The following MACF1 variants were observed in gnomAD, a reference collection of about 807,000 sequenced individuals.
The protein encoded by MACF1 is microtubule actin crosslinking factor 1.
A neutral mutation model predicts 854.8 loss-of-function variants in MACF1; 193 were observed. The ratio of observed to expected loss-of-function variants is 0.23; its 90% CI spans 0.20 to 0.25. The LOEUF (loss-of-function observed/expected upper bound fraction) is 0.25. Among genes scored for constraint, MACF1 ranks in the 10% least tolerant of loss-of-function variants. The pLI is 1.00. For synonymous variants in MACF1, 3,185 were observed against 3,226.7 expected (o/e 0.99, Z 0.44); for missense variants, 7,722 against 8,929.1 (o/e 0.86, Z 5.45).
At chr1:39,378,688 A>G (rs1236593320) in intron 53 of MACF1, among the ~76,000 whole-genome samples, 165 bp downstream of exon 53, 1 of 152,224 alleles carries the variant, frequency 6.6e-6, no homozygotes, top group African/African-American at 2.4e-5. Flanking sequence ...TATAGACCAT[A>G]AACAGGTTGG....
intron 2 of MACF1, among the ~76,000 whole-genome samples, chr1:39,182,854 T>C (rs139001995): frequency 2.3e-4 from 35 of 152,278 alleles, no homozygotes; most frequent in African/African-American, 8.4e-4. Flanking sequence ...AAAAGAAATA[T>C]TATATTCATA....
rs556475960 is a variant in MACF1 at position 39,346,740 on chromosome 1, C to T, written c.10582-237C>T. ...TTCACCGTGTTAGCCAGGATGGTCT[C>T]CATCTCCTGACCTTGTGATCCGCCC... On this transcript the variant is annotated intron_variant, in intron 40 of 100. Coordinates refer to ENST00000564288, the MANE Select transcript of MACF1 (RefSeq NM_001394062.1). Among the ~76,000 whole-genome samples, 8 of 152,090 alleles carry T rather than the reference C, an allele frequency of 5.3e-5. No individual in the cohort carries two copies. In the South Asian group the frequency reaches 1.7e-3, roughly 32 times the overall value.
intron 2 of MACF1, among the ~76,000 whole-genome samples, chr1:39,139,011 A>G (rs1266108061): frequency 6.6e-6 from 1 of 152,196 alleles, no homozygotes; most frequent in African/African-American, 2.4e-5. Flanking sequence ...TTTGATGAGG[A>G]ATAACAGTAT....
At chr1:39,461,716 A>G (rs1644557575) in intron 92 of MACF1, among the ~76,000 whole-genome samples, 167 bp from the exon 93 acceptor site, 1 of 149,014 alleles carries the variant, frequency 6.7e-6, no homozygotes, top group Non-Finnish European at 1.5e-5. Context: ...CACTTGAACC[A>G]GGGAGACGGA....
intron 52 of MACF1, 110 bp downstream of exon 52, chr1:39,372,706 C>T: frequency 1.3e-6 from 1 of 772,890 alleles, no homozygotes; most frequent in Non-Finnish European, 2.2e-6. Flanking sequence ...GATATGAAAA[C>T]AAAGGGCATG....
Position 39,285,397 on chromosome 1 carries a change from C to T in MACF1, c.1353+7C>T. 2.5e-6 allele frequency: 4 copies of T among 1,613,250 alleles called. No individual in the cohort carries two copies. The highest frequency in any genetic ancestry group is 3.4e-6 in the Non-Finnish European group (4 of 1,179,704). On this transcript the variant is annotated splice_region_variant and intron_variant, in intron 13 of 100. Coordinates refer to ENST00000564288, the MANE Select transcript of MACF1 (RefSeq NM_001394062.1). ...TAAGAATACACTGCAGGCTGTAAGT[C>T]TCTGACTGTTTTGTCCAACATCTGT... is the stretch of plus-strand genomic sequence containing the variant.
intron 2 of MACF1, among the ~76,000 whole-genome samples, chr1:39,174,550 G>T (rs1643999472): frequency 6.6e-6 from 1 of 152,122 alleles, no homozygotes; most frequent in South Asian, 2.1e-4. Flanking sequence ...ATCAGTCAGA[G>T]GCAAAGGGAA....
At chr1:39,351,072 A>G (rs1647167561) in intron 43 of MACF1, 54 bp downstream of exon 43, 2 of 1,339,336 alleles carry the variant, frequency 1.5e-6, no homozygotes, top group African/African-American at 2.9e-5. Context: ...TTTTGGTACC[A>G]ACACAAATAA....
In MACF1 at chr1:39,359,068, A is replaced by G; in HGVS notation, c.12121-73A>G. The G allele has an allele frequency of 1.6e-5, 25 of 1,569,440 alleles. No individual in the cohort carries two copies. In the South Asian group the frequency reaches 1.9e-4, roughly 12 times the overall value. ...TTACAATTATTCTGTAAAGCTGTTC[A>G]GTAGCTCCGGATTCCTAGAATCATC... is the stretch of plus-strand genomic sequence containing the variant. On this transcript the variant is annotated intron_variant, in intron 46 of 100. Coordinates refer to ENST00000564288, the MANE Select transcript of MACF1 (RefSeq NM_001394062.1).
At chr1:39,423,452 G>A (rs1430942791) in intron 60 of MACF1, among the ~76,000 whole-genome samples, 3 of 151,820 alleles carry the variant, frequency 2.0e-5, no homozygotes, top group Admixed American at 1.3e-4. Flanking sequence ...TGGCTAACAC[G>A]GTGAAACCCC....
intron 58 of MACF1, 84 bp downstream of exon 58, chr1:39,388,742 C>T: frequency 7.8e-7 from 1 of 1,288,816 alleles, no homozygotes; most frequent in East Asian, 2.5e-5. Flanking sequence ...TACATTTTAA[C>T]TTCTGTCCCT....
At chr1:39,477,079 A>ACACTTAGTGTG (rs1267820932) in intron 97 of MACF1, among the ~76,000 whole-genome samples, 269 of 15,158 alleles carry the variant, frequency 0.018, 14 homozygotes, top group African/African-American at 0.053. Context: ...ATATATATAT[A>ACACTTAGTGTG]TATATATATA....
At chr1:39,458,329 T>C (rs767648563) in intron 89 of MACF1, 41 bp from the exon 90 acceptor site, 48 of 1,600,834 alleles carry the variant, frequency 3.0e-5, no homozygotes, top group Non-Finnish European at 3.9e-5. Flanking sequence ...AGAGTAAAAA[T>C]ACAATATTTA....
rs1642206279 is a variant in MACF1, at chr1:39,105,523, T to G, written c.220+21085T>G. On this transcript the variant is annotated intron_variant, in intron 2 of 93. Coordinates refer to the MACF1 transcript ENST00000361689. This position sits in a 1 kb window ranked among gnomAD's most constrained non-coding sequence, Gnocchi z 5.9. ...AGAGCGAGGGCGCCGTCGCCGTCTC[T>G]GAGACGCACAAAGGGTCGAGGCTGG... The G allele has an allele frequency of 9.8e-7, 1 of 1,022,364 alleles. No individual in the cohort carries two copies. The highest frequency in any genetic ancestry group is 6.1e-5 in the Admixed American group (1 of 16,360). 63.3% of individuals were successfully genotyped at this position (1,022,364 alleles called of 1,614,324 possible).
chr1:39,437,193 T>G (rs1378627742), intron 70 of MACF1, among the ~76,000 whole-genome samples: 2 of 152,146 alleles, frequency 1.3e-5, no homozygotes, highest in African/African-American at 2.4e-5. Flanking sequence ...ACTAAAGATT[T>G]GAATTGGTTT....
chr1:39,450,319 G>A (rs1418872672), intron 84 of MACF1, among the ~76,000 whole-genome samples: 4 of 144,666 alleles, frequency 2.8e-5, no homozygotes, highest in Admixed American at 6.8e-5. Context: ...TTTTTTTTAT[G>A]AGGTGACTGA....
chr1:39,285,421 G>A, intron 13 of MACF1, 31 bp downstream of exon 13: 1 of 1,607,844 alleles, frequency 6.2e-7, no homozygotes, highest in Middle Eastern at 1.9e-4. Context: ...TCCAACATCT[G>A]TGTCACATGT....
chr1:39,283,345 G>A lies in MACF1; in HGVS notation c.808+44G>A. ...AACTTGAGTAAGGAACACGTATTCAGTATTCCTTCTTCTGGCAAGTTCCTT... is the reference window on the plus strand; with the variant it reads ...AACTTGAGTAAGGAACACGTATTCAATATTCCTTCTTCTGGCAAGTTCCTT... On this transcript the variant is annotated intron_variant, in intron 8 of 100. Coordinates refer to ENST00000564288, the MANE Select transcript of MACF1 (RefSeq NM_001394062.1). The surrounding 1 kb of genome is among the most constrained non-coding windows in gnomAD (Gnocchi z 4.5). 2 of 1,583,530 alleles carry A rather than the reference G, an allele frequency of 1.3e-6. No individual in the cohort carries two copies. The highest frequency in any genetic ancestry group is 1.7e-6 in the Non-Finnish European group (2 of 1,152,180).
intron 52 of MACF1, among the ~76,000 whole-genome samples, chr1:39,375,324 C>T (rs1204469219): frequency 4.0e-5 from 6 of 150,572 alleles, no homozygotes; most frequent in Non-Finnish European, 7.4e-5. Flanking sequence ...TTTCCTGAGA[C>T]GGAGTCTCGC....
Sources: allele counts gnomAD v4.1 joint callset (sites outside exome capture counted in the v4.1 genomes callset), GRCh38; gene constraint gnomAD v4.1.1; non-coding constraint Gnocchi (gnomAD v3.1); transcripts MANE v1.5; gene names NCBI Gene and HGNC (gene_info 2026-07-23, HGNC 2026-07-21).